Variants in NOC3L observed in about 807,000 individuals in gnomAD.
The protein encoded by NOC3L is NOC3 like DNA replication regulator.
In NOC3L, 85 loss-of-function variants were observed where a neutral mutation model predicts 102.5. The ratio of observed to expected loss-of-function variants is 0.83; its 90% CI spans 0.70 to 0.99. The LOEUF (loss-of-function observed/expected upper bound fraction) is 0.99. Among genes scored for constraint, NOC3L ranks in the 50% least tolerant of loss-of-function variants. NOC3L has a pLI of 0.00. For synonymous variants in NOC3L, 303 were observed against 309.4 expected, an observed-to-expected ratio of 0.98 and a Z score of 0.22; for missense variants, 878 against 914.9, an observed-to-expected ratio of 0.96 and a Z score of 0.52.
At chr10:94,323,467 C>A in the NOC3L span, among the ~76,000 whole-genome samples, 1 of 152,168 alleles carries the variant, frequency 6.6e-6, no homozygotes, top group Non-Finnish European at 1.5e-5. Flanking sequence ...TTATTTATTT[C>A]TTTTGTGTAA....
At chr10:94,343,067 G>C (rs1291774916) in intron 13 of NOC3L, among the ~76,000 whole-genome samples, 2 of 147,590 alleles carry the variant, frequency 1.4e-5, no homozygotes, top group Admixed American at 1.4e-4. Flanking sequence ...CTGAGCAACA[G>C]AGCAAGACAG....
rs2054269352 is a variant in NOC3L, at chr10:94,340,493, G to A, written c.1648C>T (p.Leu550=). ...VLHTLIESGD[L]SYQESLHCVQ... ...CAGTGAAGACTTTCTTGATAGCTTA[G>A]GTCCTTTAAAAAAAAAAGGGGGGGG... The change falls in exon 15 of 21, where the codon CTA becomes TTA. Residue 550 remains leucine, a synonymous_variant. Coordinates refer to ENST00000371361, the MANE Select transcript of NOC3L (RefSeq NM_022451.11). The A allele has an allele frequency of 1.3e-5, 15 of 1,164,616 alleles. No homozygotes were observed. The highest frequency in any genetic ancestry group is 1.7e-5 in the Non-Finnish European group (14 of 844,080). The allele number at this position is 1,164,616 out of a possible 1,614,324, so 72.1% of individuals were successfully genotyped here. A position where few individuals can be genotyped will look rare whatever the true frequency, so the allele number is the denominator to read the frequency against.
chr10:94,358,308 T>C (rs944182098), intron 2 of NOC3L, 93 bp from the exon 3 acceptor site: 7 of 740,988 alleles, frequency 9.4e-6, no homozygotes, highest in Non-Finnish European at 1.6e-5. Context: ...AGGAAAAGCT[T>C]ACGCTTTCTG....
chr10:94,317,413 G>A, the NOC3L span, among the ~76,000 whole-genome samples: 2 of 152,166 alleles, frequency 1.3e-5, no homozygotes, highest in African/African-American at 2.4e-5. Context: ...AAAAGACATC[G>A]TTGTGAGGGT....
At chr10:94,342,132 A>AC (rs1332465141) in intron 13 of NOC3L, among the ~76,000 whole-genome samples, 11 of 152,314 alleles carry the variant, frequency 7.2e-5, no homozygotes, top group African/African-American at 2.6e-4. Context: ...AAGAATATGG[A>AC]CCTTATGACA....
At chr10:94,350,635 T>G (rs974164836) in intron 8 of NOC3L, among the ~76,000 whole-genome samples, 3 of 151,284 alleles carry the variant, frequency 2.0e-5, no homozygotes, top group African/African-American at 4.9e-5. Flanking sequence ...GGGGAATCAC[T>G]TGAACCTGGG....
intron 2 of NOC3L, among the ~76,000 whole-genome samples, chr10:94,358,816 T>C (rs2054518095): frequency 6.6e-6 from 1 of 152,190 alleles, no homozygotes; most frequent in Non-Finnish European, 1.5e-5. Context: ...TCTACCTGTG[T>C]GTTCTGTCTT....
At chr10:94,323,926 G>A in the NOC3L span, among the ~76,000 whole-genome samples, 2 of 152,226 alleles carry the variant, frequency 1.3e-5, no homozygotes, top group African/African-American at 4.8e-5. Flanking sequence ...AAGACTCTGT[G>A]ATAGAGATAG....
chr10:94,343,779 T>A (rs2054312817), intron 13 of NOC3L, among the ~76,000 whole-genome samples: 1 of 152,220 alleles, frequency 6.6e-6, no homozygotes, highest in South Asian at 2.1e-4. Context: ...TTCAGATAAA[T>A]CAAATCCAGT....
the NOC3L span, among the ~76,000 whole-genome samples, chr10:94,327,478 G>A: frequency 6.6e-6 from 1 of 152,186 alleles, no homozygotes; most frequent in Non-Finnish European, 1.5e-5. Flanking sequence ...AGGAGGCTGA[G>A]GCAGGAGAAT....
At chr10:94,319,274 T>TATC in the NOC3L span, among the ~76,000 whole-genome samples, 2 of 152,224 alleles carry the variant, frequency 1.3e-5, no homozygotes, top group African/African-American at 2.4e-5. Context: ...AAATTTAGTG[T>TATC]ATCTAGGTTT....
chr10:94,337,819 G>T lies in NOC3L; in HGVS notation c.2147C>A (p.Pro716His), dbSNP rs758333858. The T allele has an allele frequency of 1.9e-5, 31 of 1,613,924 alleles. No individual in the cohort carries two copies. Among genetic ancestry groups the T allele is most frequent in the Non-Finnish European group, 2.5e-5 (29 of 1,179,964 alleles). The change falls in exon 19 of 21, where the codon CCT becomes CAT. Residue 716 changes from proline (P) to histidine (H), a missense_variant. Transcript: ENST00000371361. ...RFAAHLIAGA[P>H]SEGSGALKPE... ...TTTGAGTGCTCCAGAGCCTTCAGAA[G>T]GTGCTCCAGCGATCAGGTGGGCTGC...
At chr10:94,334,758 T>A in intron 19 of NOC3L, 40 bp from the exon 20 acceptor site, 1 of 1,270,966 alleles carries the variant, frequency 7.9e-7, no homozygotes, top group Non-Finnish European at 1.1e-6. Context: ...TACCACCACA[T>A]CTGTGTAACT....
chr10:94,325,283 T>C, the NOC3L span: 3 of 583,898 alleles, frequency 5.1e-6, no homozygotes, highest in African/African-American at 3.7e-5. Flanking sequence ...CATGATATGC[T>C]ATTGAACACC....
intron 2 of NOC3L, among the ~76,000 whole-genome samples, chr10:94,360,198 C>T (rs2054536562): frequency 6.6e-6 from 1 of 152,094 alleles, no homozygotes; most frequent in South Asian, 2.1e-4. Flanking sequence ...CGCCTGTAAT[C>T]CTAGCTACTC....
chr10:94,327,215 G>A, the NOC3L span, among the ~76,000 whole-genome samples: 1 of 152,268 alleles, frequency 6.6e-6, no homozygotes. Flanking sequence ...TATGTGAATT[G>A]ACATCCCATG....
chr10:94,361,934 A>C, intron 1 of NOC3L, 62 bp from the exon 2 acceptor site: 1 of 1,204,532 alleles, frequency 8.3e-7, no homozygotes, highest in East Asian at 2.5e-5. Flanking sequence ...CAGGTTAAAG[A>C]GAACTGATTA....
intron 13 of NOC3L, among the ~76,000 whole-genome samples, chr10:94,342,821 A>C (rs2054301444): frequency 6.6e-6 from 1 of 152,032 alleles, no homozygotes; most frequent in African/African-American, 2.4e-5. Context: ...GCGATGGCTC[A>C]TGCCTGTAAT....
chr10:94,357,537 C>G lies in NOC3L; in HGVS notation c.351-206G>C, dbSNP rs186803477. The stretch of plus-strand genomic sequence containing the variant: ...GGGTAAACAACCTACCATACAAACT[C>G]AAACTTTGGCTACATCCAGTTTTCC... On this transcript the variant is annotated intron_variant, in intron 3 of 20. Coordinates refer to ENST00000371361, the MANE Select transcript of NOC3L (RefSeq NM_022451.11). 1.5e-3 allele frequency: 585 copies of G among 378,340 alleles called. 6 individuals carry two copies. The highest frequency in any genetic ancestry group is 6.3e-4 in the Non-Finnish European group (135 of 215,164). The allele number at this position is 378,340 out of a possible 1,614,324, so 23.4% of individuals were successfully genotyped here.
Sources: gnomAD v4.1 joint callset for allele counts (sites outside exome capture counted in the v4.1 genomes callset) on GRCh38, gnomAD v4.1.1 for gene constraint, MANE v1.5 for transcripts, NCBI Gene and HGNC (gene_info 2026-07-23, HGNC 2026-07-21) for gene names.